Variants in ADGRV1 observed in about 807,000 individuals in gnomAD.
ADGRV1 encodes the protein adhesion G protein-coupled receptor V1, also known as G-protein coupled receptor 98.
A neutral mutation model predicts 596.2 loss-of-function variants in ADGRV1; 359 were observed. The observed-to-expected ratio is 0.60, with a 90% CI of 0.55 to 0.66. The LOEUF (loss-of-function observed/expected upper bound fraction) is 0.66. ADGRV1 is among the 30% of genes least tolerant of loss of function. The pLI, the probability that ADGRV1 is intolerant of heterozygous loss-of-function variation, is 0.00. For missense variants in ADGRV1, 7,274 were observed against 7,575.6 expected, an observed-to-expected ratio of 0.96 and a Z score of 1.48; for synonymous variants, 2,681 against 2,679.2, an observed-to-expected ratio of 1.00 and a Z score of -0.02.
At chr5:90,730,823 G>T (rs116754937) in intron 50 of ADGRV1, among the ~76,000 whole-genome samples, 5,217 of 152,234 alleles carry the variant, frequency 0.034, 317 homozygotes, top group African/African-American at 0.12. Context: ...CTGTTGAGGT[G>T]TCTAGAGAAT....
intron 87 of ADGRV1, among the ~76,000 whole-genome samples, chr5:91,128,538 A>G (rs1052236054): frequency 2.6e-5 from 4 of 152,202 alleles, no homozygotes; most frequent in African/African-American, 9.6e-5. Context: ...TCCCTGGATG[A>G]ATAAATACTT....
chr5:91,124,767 T>C (rs74629216), intron 87 of ADGRV1, among the ~76,000 whole-genome samples: 3,315 of 152,248 alleles, frequency 0.022, 49 homozygotes, highest in Non-Finnish European at 0.029. Context: ...AAATTTTAGA[T>C]TGATTTATTT....
chr5:90,893,480 C>A (rs892595103), intron 83 of ADGRV1, among the ~76,000 whole-genome samples: 5 of 152,000 alleles, frequency 3.3e-5, no homozygotes, highest in African/African-American at 1.2e-4. Context: ...ATCACTGGGG[C>A]CGTTGTGAAG....
chr5:90,679,678 C>T, intron 26 of ADGRV1, 49 bp downstream of exon 26: 3 of 1,328,908 alleles, frequency 2.3e-6, no homozygotes, highest in South Asian at 1.2e-5. Flanking sequence ...TTTATTTTAA[C>T]TTCTCATTTT....
In ADGRV1 at chr5:90,774,254, C is replaced by T. The variant is rs1196893240; in HGVS notation, c.12354C>T (p.Phe4118=). The change falls in exon 60 of 90, where the codon TTC becomes TTT. Residue 4118 remains phenylalanine (F), a synonymous_variant. Transcript: ENST00000405460. ...CAGTGTTGGAGGAGGACAGGCGTTT[C>T]ACCATTCAGCTGATATCAATTGATG... ...QDTVLEEDRR[F]TIQLISIDEV... 2 of 1,609,968 alleles carry T rather than the reference C, an allele frequency of 1.2e-6. No individual in the cohort carries two copies. Among genetic ancestry groups the T allele is most frequent in the Non-Finnish European group, 1.7e-6 (2 of 1,176,506 alleles).
rs971903969 is a variant in ADGRV1, at chr5:90,694,675, C to T, written c.7919C>T (p.Ala2640Val). ...ACTGAAGGTTTAGATTTTATAGGTG[C>T]TGGAGAGATTCTGACCTTTGCTGAA... ...TATEGLDFIG[A>V]GEILTFAEGE... is the part of the protein sequence containing the mutation. The change falls in exon 33 of 90, where the codon GCT becomes GTT. Residue 2640 changes from alanine (A) to valine (V), a missense_variant. This residue lies in a region of ADGRV1 where 3,643 missense variants were observed against 3,809.2 expected (regional missense o/e 0.96). Coordinates refer to ENST00000405460, the MANE Select transcript of ADGRV1 (RefSeq NM_032119.4). 1.3e-6 allele frequency: 2 copies of T among 1,598,026 alleles called. No homozygotes were observed. Among genetic ancestry groups the T allele is most frequent in the Middle Eastern group, 1.7e-4 (1 of 5,970 alleles).
At chr5:90,625,525 A>G (rs1349848902) in intron 6 of ADGRV1, 1 of 251,262 alleles carries the variant, frequency 4.0e-6, no homozygotes, top group African/African-American at 2.2e-5. Flanking sequence ...TTGAGCAAGA[A>G]CAATACTAAC....
At chr5:91,112,843 T>C (rs1039441036) in intron 87 of ADGRV1, among the ~76,000 whole-genome samples, 1 of 152,180 alleles carries the variant, frequency 6.6e-6, no homozygotes, top group Non-Finnish European at 1.5e-5. Context: ...ATTTTGCCTC[T>C]AAATTTTGTC....
At position 90,683,995 on chromosome 5, in the gene ADGRV1, C is replaced by T. The variant is rs758767261; in HGVS notation, c.6074C>T (p.Pro2025Leu). The change falls in exon 28 of 90, where the codon CCT (proline) becomes CTT (leucine). Residue 2025 changes from proline (P) to leucine (L), a missense_variant. Transcript: ENST00000405460. Reference protein sequence around the residue: ...YATLDDMEKPPYFPPNLARAT... With the variant: ...YATLDDMEKPLYFPPNLARAT... ...ACACTAGATGATATGGAAAAACCAC[C>T]TTATTTTCCACCTAATTTAGCGAGA... The T allele has an allele frequency of 1.2e-6, 2 of 1,613,846 alleles. No homozygotes were observed. The highest frequency in any genetic ancestry group is 2.2e-5 in the East Asian group (1 of 44,868).
intron 77 of ADGRV1, among the ~76,000 whole-genome samples, chr5:90,831,574 A>G (rs550820054): frequency 6.6e-6 from 1 of 152,046 alleles, no homozygotes; most frequent in Non-Finnish European, 1.5e-5. Flanking sequence ...AGATAATTCA[A>G]TTATACTTTT....
At chr5:90,958,612 G>A (rs1301645079) in intron 83 of ADGRV1, among the ~76,000 whole-genome samples, 1 of 152,102 alleles carries the variant, frequency 6.6e-6, no homozygotes, top group African/African-American at 2.4e-5. Flanking sequence ...ACTTCATTCT[G>A]AGGCCTCTCT....
At position 90,840,605 on chromosome 5, in the gene ADGRV1, C is replaced by A; in HGVS notation, c.16639C>A (p.Arg5547Ser). ...GTTGAGGAGTGCTGAAACAATTGGT[C>A]GTACCATCATATCTCCAGCTATTTC... ...QELRSAETIG[R>S]TIISPAISGK... Residue 5547 changes from arginine to serine, a missense_variant, in exon 78 of 90, where the codon CGT becomes AGT. By Grantham distance (110) the Arg-to-Ser change is moderately radical. Coordinates refer to ENST00000405460, the MANE Select transcript of ADGRV1 (RefSeq NM_032119.4). The A allele has an allele frequency of 6.2e-7, 1 of 1,610,388 alleles. No homozygotes were observed. Among genetic ancestry groups the A allele is most frequent in the Non-Finnish European group, 8.5e-7 (1 of 1,177,448 alleles).
At chr5:90,600,139 A>G (rs1264090296) in intron 1 of ADGRV1, among the ~76,000 whole-genome samples, 1 of 152,162 alleles carries the variant, frequency 6.6e-6, no homozygotes, top group Non-Finnish European at 1.5e-5. Context: ...TGCCTAATTC[A>G]TTTGAGCATC....
In ADGRV1 at chr5:91,083,154, C is replaced by G. The variant is rs12652491; in HGVS notation, c.18310+10550C>G. Among the ~76,000 whole-genome samples, 110 of 151,484 alleles carry G rather than the reference C, an allele frequency of 7.3e-4. 1 individual carries two copies. The highest frequency in any genetic ancestry group is 2.6e-3 in the African/African-American group (107 of 41,260). ...AGTGTCGCAAGGACAGAAAACCAAA[C>G]ACCGCATGTTCTCACTCATAGATGG... On this transcript the variant is annotated intron_variant, in intron 86 of 89. Transcript: ENST00000405460.
At chr5:90,659,195 C>G (rs1179272493) in intron 21 of ADGRV1, among the ~76,000 whole-genome samples, 1 of 152,108 alleles carries the variant, frequency 6.6e-6, no homozygotes, top group African/African-American at 2.4e-5. Context: ...ATATCCTAGA[C>G]TAGCAATAAC....
Position 91,150,149 on chromosome 5 carries a change from C to G in ADGRV1, c.18552C>G (p.Pro6184=). 1 of 1,595,890 alleles carries G rather than the reference C, an allele frequency of 6.3e-7. No homozygotes were observed. Among genetic ancestry groups the G allele is most frequent in the Non-Finnish European group, 8.5e-7 (1 of 1,172,198 alleles). ...GACCCAGCACAGCCTTTTTCACGCC[C>G]GGGAGTGGAATGCCTCCTGCTGGAG... ...HPGPSTAFFT[P]GSGMPPAGGE... The change falls in exon 88 of 90, where the codon CCC becomes CCG. Residue 6184 remains proline (P), a synonymous_variant. Coordinates refer to ENST00000405460, the MANE Select transcript of ADGRV1 (RefSeq NM_032119.4).
At chr5:90,576,404 G>C (rs1757222275) in intron 1 of ADGRV1, among the ~76,000 whole-genome samples, 1 of 152,002 alleles carries the variant, frequency 6.6e-6, no homozygotes, top group Admixed American at 6.6e-5. Context: ...GAGAATGATG[G>C]TTTCCAGCTT....
At chr5:90,735,027 T>C (rs1753039324) in intron 50 of ADGRV1, among the ~76,000 whole-genome samples, 1 of 152,266 alleles carries the variant, frequency 6.6e-6, no homozygotes, top group South Asian at 2.1e-4. Context: ...GCAGAAACTT[T>C]TTAATTTGAT....
intron 83 of ADGRV1, among the ~76,000 whole-genome samples, chr5:90,894,496 T>G (rs1201505517): frequency 1.3e-5 from 2 of 152,180 alleles, no homozygotes; most frequent in Non-Finnish European, 2.9e-5. Context: ...TGGGAAGGAC[T>G]GTGTATGTCT....
Sources: gnomAD v4.1 joint callset for allele counts (sites outside exome capture counted in the v4.1 genomes callset) on GRCh38, gnomAD v4.1.1 for gene constraint, gnomAD v4.1.1 regional missense constraint, MANE v1.5 for transcripts, NCBI Gene and HGNC (gene_info 2026-07-23, HGNC 2026-07-21) for gene names.